LRP5: variants seen among roughly 807,000 people sequenced by gnomAD.
LRP5 encodes the protein LDL receptor related protein 5, also known as low-density lipoprotein receptor-related protein 5.
A neutral mutation model predicts 154.1 loss-of-function variants in LRP5; 62 were observed. That is an observed-to-expected ratio of 0.40 (90% confidence interval 0.33 to 0.50). The LOEUF (loss-of-function observed/expected upper bound fraction) is 0.50, where lower values mean the gene tolerates loss of function less well. Ranked by LOEUF, LRP5 falls within the 20% of genes least tolerant of loss-of-function variation. LRP5 has a pLI of 0.55. For missense variants in LRP5, 1,915 were observed against 2,336.7 expected (o/e 0.82, Z 3.72); for synonymous variants, 966 against 1,011.5 (o/e 0.96, Z 0.85).
At chr11:68,309,580 CTTT>C (rs35335751), upstream of LRP5, among the ~76,000 whole-genome samples, 124 of 137,102 alleles carry the variant, frequency 9.0e-4, 1 homozygote, top group Non-Finnish European at 9.4e-4. Context: ...CTTCATAATG[CTTT>C]TTTTTTTTTT....
chr11:68,326,577 G>A (rs1591177916), intron 1 of LRP5, among the ~76,000 whole-genome samples: 1 of 152,270 alleles, frequency 6.6e-6, no homozygotes. Flanking sequence ...CGCAGTTGGC[G>A]CTCCGTGGTT....
intron 7 of LRP5, among the ~76,000 whole-genome samples, chr11:68,392,197 T>C (rs1454944017): frequency 6.6e-6 from 1 of 152,204 alleles, no homozygotes; most frequent in Non-Finnish European, 1.5e-5. Context: ...TTGATGATTT[T>C]AACCATTTTA....
intron 18 of LRP5, among the ~76,000 whole-genome samples, chr11:68,434,338 C>G (rs1397660881): frequency 2.0e-5 from 3 of 148,142 alleles, no homozygotes; most frequent in African/African-American, 5.0e-5. Flanking sequence ...TCTGTGCCCC[C>G]TGTGAGTTTT....
At chr11:68,351,699 C>G (rs2098618735) in intron 2 of LRP5, among the ~76,000 whole-genome samples, 1 of 152,180 alleles carries the variant, frequency 6.6e-6, no homozygotes, top group Admixed American at 6.5e-5. Context: ...CGGGTATAGC[C>G]CAGTCTCTGG....
chr11:68,445,917 AGCAGGGAC>A (rs1385833927), intron 21 of LRP5, among the ~76,000 whole-genome samples: 5 of 152,234 alleles, frequency 3.3e-5, no homozygotes, highest in Non-Finnish European at 5.9e-5. Context: ...TCAGGGCTTC[AGCAGGGAC>A]GCAGAGCCCC....
chr11:68,310,637 GCTAACTA>G (rs1399846458), upstream of LRP5, among the ~76,000 whole-genome samples: 1 of 150,430 alleles, frequency 6.6e-6, no homozygotes, highest in Non-Finnish European at 1.5e-5. Flanking sequence ...AACAACAAAA[GCTAACTA>G]CTTGAGAGGC....
At chr11:68,392,974 A>C (rs1375299842) in intron 7 of LRP5, among the ~76,000 whole-genome samples, 1 of 151,864 alleles carries the variant, frequency 6.6e-6, no homozygotes, top group Non-Finnish European at 1.5e-5. Context: ...AAAATTTTAA[A>C]AGTTAACTGA....
At chr11:68,389,554 A>G (rs988455215) in intron 6 of LRP5, among the ~76,000 whole-genome samples, 1 of 151,752 alleles carries the variant, frequency 6.6e-6, no homozygotes, top group Non-Finnish European at 1.5e-5. Context: ...ATGTTTACCA[A>G]CGCCGACGTT....
chr11:68,372,911 G>A (rs1013109089), intron 5 of LRP5, among the ~76,000 whole-genome samples: 1 of 152,040 alleles, frequency 6.6e-6, no homozygotes, highest in Non-Finnish European at 1.5e-5. Flanking sequence ...TCAGGAGGGG[G>A]GCAGGGCCTG....
intron 15 of LRP5, 86 bp from the exon 16 acceptor site, chr11:68,425,892 C>T: frequency 8.3e-7 from 1 of 1,198,546 alleles, no homozygotes; most frequent in South Asian, 1.2e-5. Flanking sequence ...CCCTGGCAGT[C>T]CTGTCAACCT....
intron 20 of LRP5, 23 bp from the exon 21 acceptor site, chr11:68,439,754 C>T: frequency 6.2e-7 from 1 of 1,605,482 alleles, no homozygotes; most frequent in Non-Finnish European, 8.5e-7. Flanking sequence ...GCCACCTGAC[C>T]TCCCCCGTCC....
chr11:68,429,783 T>C (rs1274646026), intron 17 of LRP5, 83 bp downstream of exon 17: 3 of 1,575,324 alleles, frequency 1.9e-6, no homozygotes, highest in Non-Finnish European at 2.6e-6. Flanking sequence ...GGCATCCTTT[T>C]AAAATCACAG....
intron 6 of LRP5, among the ~76,000 whole-genome samples, chr11:68,389,392 C>G (rs2098644983): frequency 6.6e-6 from 1 of 151,976 alleles, no homozygotes; most frequent in Admixed American, 6.6e-5. Flanking sequence ...TGACATTTAC[C>G]AACACCAGCA....
intron 11 of LRP5, among the ~76,000 whole-genome samples, chr11:68,412,712 G>A (rs1402270754): frequency 1.3e-5 from 2 of 152,092 alleles, no homozygotes; most frequent in Admixed American, 6.6e-5. Flanking sequence ...TTGGCTTGAG[G>A]GCAGACAAGG....
upstream of LRP5, among the ~76,000 whole-genome samples, chr11:68,311,224 G>A (rs1380875639): frequency 6.6e-6 from 1 of 152,166 alleles, no homozygotes; most frequent in African/African-American, 2.4e-5. Context: ...CCCATTGCTC[G>A]TGGGGTGCAT....
At chr11:68,354,405 C>G (rs61887825) in intron 2 of LRP5, among the ~76,000 whole-genome samples, 2 of 152,214 alleles carry the variant, frequency 1.3e-5, no homozygotes, top group African/African-American at 4.8e-5. Context: ...TGCTCCTGCA[C>G]GTTTTCCAGC....
intron 18 of LRP5, 27 bp downstream of exon 18, chr11:68,433,865 C>T (rs1307154228): frequency 2.5e-6 from 4 of 1,599,616 alleles, no homozygotes; most frequent in Non-Finnish European, 3.4e-6. Flanking sequence ...CAAGGCTCTG[C>T]CAAGACCCTG....
At chr11:68,356,939 CTTT>C (rs1206842769) in intron 2 of LRP5, among the ~76,000 whole-genome samples, 1 of 141,996 alleles carries the variant, frequency 7.0e-6, no homozygotes. Context: ...CTTTTCTTTT[CTTT>C]TTTTTTTTTT....
rs200760557 is a variant in LRP5 at position 68,337,215 on chromosome 11, G to A, written c.92-10632G>A. 2.6e-5 allele frequency among the ~76,000 whole-genome samples: 4 copies of A among 152,280 alleles called. No homozygotes were observed. In the East Asian group the frequency reaches 7.7e-4, roughly 29 times the overall value. ...AAGCCTTGTTTTTGCACATCATGCC[G>A]ATGCGGGGTGGACAGTTAGACCAAG... On this transcript the variant is annotated intron_variant, in intron 1 of 22. Transcript: ENST00000294304.
Sources: allele counts gnomAD v4.1 joint callset (sites outside exome capture counted in the v4.1 genomes callset), GRCh38; gene constraint gnomAD v4.1.1; transcripts MANE v1.5; gene names NCBI Gene and HGNC (gene_info 2026-07-23, HGNC 2026-07-21).